Variants in TOMM70 observed in about 807,000 individuals in gnomAD.
TOMM70 encodes the protein mitochondrial import receptor subunit TOM70.
A neutral mutation model predicts 73.6 loss-of-function variants in TOMM70; 13 were observed. That is an observed-to-expected ratio of 0.18 (90% CI 0.11 to 0.28). The LOEUF is 0.28. TOMM70 is among the 10% of genes least tolerant of loss of function. The pLI is 1.00. For missense variants in TOMM70, 609 were observed against 747.5 expected, an observed-to-expected ratio of 0.81 and a Z score of 2.16; for synonymous variants, 257 against 271.2, an observed-to-expected ratio of 0.95 and a Z score of 0.51.
At chr3:100,388,997 T>G (rs762440601) in intron 1 of TOMM70, among the ~76,000 whole-genome samples, 9 of 151,772 alleles carry the variant, frequency 5.9e-5, no homozygotes, top group Non-Finnish European at 1.3e-4. Flanking sequence ...GTTCCATCAT[T>G]TGCCTATGTG....
chr3:100,369,970 G>A (rs1706490502), intron 9 of TOMM70, among the ~76,000 whole-genome samples: 1 of 151,996 alleles, frequency 6.6e-6, no homozygotes, highest in Non-Finnish European at 1.5e-5. Flanking sequence ...ATAATACCTA[G>A]CCCATATTCA....
rs1487389311 is a variant in TOMM70 at position 100,365,623 on chromosome 3, C to T, written c.1768G>A (p.Ala590Thr). The T allele has an allele frequency of 6.2e-7, 1 of 1,614,192 alleles. No individual in the cohort carries two copies. The highest frequency in any genetic ancestry group is 1.7e-5 in the Admixed American group (1 of 60,026). The change falls in exon 12 of 12, where the codon GCC (alanine) becomes ACC (threonine). Residue 590 changes from alanine (A) to threonine (T), a missense_variant. Physicochemically the swap from Ala to Thr is moderately conservative, Grantham distance 58. Transcript: ENST00000284320. ...GCAACTTCTGTCTGGGCATGGGCGGCATCGCAAAGTGAATACAGATGGGCC... is the reference window on the plus strand; with the variant it reads ...GCAACTTCTGTCTGGGCATGGGCGGTATCGCAAAGTGAATACAGATGGGCC... Reference protein sequence around the residue: ...EMAHLYSLCDAAHAQTEVAKK... With the variant: ...EMAHLYSLCDTAHAQTEVAKK...
At chr3:100,371,311 C>CTGGA (rs981827169) in intron 9 of TOMM70, among the ~76,000 whole-genome samples, 1 of 130,420 alleles carries the variant, frequency 7.7e-6, no homozygotes, top group Non-Finnish European at 1.5e-5. Context: ...CTTGCCCAGG[C>CTGGA]TGGAGTGTGG....
intron 1 of TOMM70, among the ~76,000 whole-genome samples, chr3:100,388,496 T>C (rs1032890980): frequency 2.0e-5 from 3 of 152,196 alleles, no homozygotes; most frequent in Admixed American, 2.0e-4. Context: ...CAGAACTGCT[T>C]GAGCCCAGGA....
At chr3:100,391,507 A>C (rs2148894082) in intron 1 of TOMM70, among the ~76,000 whole-genome samples, 1 of 150,742 alleles carries the variant, frequency 6.6e-6, no homozygotes, top group African/African-American at 2.4e-5. Context: ...TAAAAGTTTA[A>C]AAAAAAAAAT....
chr3:100,373,335 G>A (rs577015213), intron 8 of TOMM70, among the ~76,000 whole-genome samples: 46 of 152,072 alleles, frequency 3.0e-4, no homozygotes, highest in African/African-American at 9.2e-4. Flanking sequence ...ATAAAATCAG[G>A]GACAAACATC....
At chr3:100,398,926 C>T (rs576001637) in intron 1 of TOMM70, among the ~76,000 whole-genome samples, 10 of 152,308 alleles carry the variant, frequency 6.6e-5, no homozygotes, top group Admixed American at 2.6e-4. Context: ...TCACACACTG[C>T]AGATACTAGT....
chr3:100,399,044 G>C lies in TOMM70; in HGVS notation c.324+1582C>G, dbSNP rs548179581. On this transcript the variant is annotated intron_variant, in intron 1 of 11. Transcript: ENST00000284320. Reference sequence around the variant, plus strand: ...CGCCTGTAATCCCAGCACTTTGGGAGGCCAAGATGGGCAGATCACCTGAGG... The same window carrying C: ...CGCCTGTAATCCCAGCACTTTGGGACGCCAAGATGGGCAGATCACCTGAGG... 2.6e-5 allele frequency among the ~76,000 whole-genome samples: 4 copies of C among 152,316 alleles called. No homozygotes were observed. The South Asian group carries it at 8.3e-4, about 32-fold the overall frequency.
rs528986954 is a variant in TOMM70, at chr3:100,370,097, C to T, written c.1453-962G>A. Among the ~76,000 whole-genome samples, 8 of 151,922 alleles carry T rather than the reference C, an allele frequency of 5.3e-5. No individual in the cohort carries two copies. In the East Asian group the frequency reaches 9.7e-4, roughly 18 times the overall value. ...AAGCCAACTTAAATATTTTAAAAAT[C>T]GCTCTTAAAAATATCAAAGAAATGT... On this transcript the variant is annotated intron_variant, in intron 9 of 11. Coordinates refer to ENST00000284320, the MANE Select transcript of TOMM70 (RefSeq NM_014820.5).
In TOMM70 at chr3:100,386,951, T is replaced by C; in HGVS notation, c.352A>G (p.Lys118Glu). ...TTAAAATATTTATTGCCTTTATTCTTGGCTGCTTGGGCTCTATCAAGAGAG... is the reference window on the plus strand; with the variant it reads ...TTAAAATATTTATTGCCTTTATTCTCGGCTGCTTGGGCTCTATCAAGAGAG... ...MNSLDRAQAA[K>E]NKGNKYFKAG... The change falls in exon 2 of 12, where the codon AAG (lysine) becomes GAG (glutamate). Residue 118 changes from lysine to glutamate, a missense_variant. Around this residue, in one of 2 missense-constraint regions of TOMM70, gnomAD observed 432 missense variants for 584.1 expected, o/e 0.74. Coordinates refer to ENST00000284320, the MANE Select transcript of TOMM70 (RefSeq NM_014820.5). 6.2e-7 allele frequency: 1 copy of C among 1,614,054 alleles called. No individual in the cohort carries two copies. The highest frequency in any genetic ancestry group is 8.5e-7 in the Non-Finnish European group (1 of 1,179,992).
chr3:100,385,310 C>A (rs975414846), intron 3 of TOMM70, among the ~76,000 whole-genome samples: 3 of 152,212 alleles, frequency 2.0e-5, no homozygotes, highest in Non-Finnish European at 4.4e-5. Flanking sequence ...TTAGTAACTT[C>A]AAGGTCTGGT....
intron 11 of TOMM70, among the ~76,000 whole-genome samples, chr3:100,367,585 GT>G: frequency 6.6e-6 from 1 of 152,140 alleles, no homozygotes. Context: ...AACATCTAAA[GT>G]TTAATACTTG....
At chr3:100,374,620 T>C (rs540829424) in intron 7 of TOMM70, among the ~76,000 whole-genome samples, 82 of 152,344 alleles carry the variant, frequency 5.4e-4, no homozygotes, top group African/African-American at 1.7e-3. Context: ...ATATTTATTT[T>C]TACTATTTGG....
In TOMM70 at chr3:100,365,380, C is replaced by T; in HGVS notation, c.*184G>A. The T allele has an allele frequency of 2.7e-6, 2 of 754,392 alleles. No individual in the cohort carries two copies. Among genetic ancestry groups the T allele is most frequent in the Non-Finnish European group, 2.0e-6 (1 of 496,572 alleles). 46.7% of individuals were successfully genotyped at this position (754,392 alleles called of 1,614,324 possible). A position where few individuals can be genotyped will look rare whatever the true frequency, so the allele number is the denominator to read the frequency against. ...TGCACAGGGAATAAAAGCTGCAAGA[C>T]TGCAAACTTCCTTCAACAGCCACAC... On this transcript the variant is annotated 3_prime_UTR_variant, in exon 12 of 12. Transcript: ENST00000284320.
intron 1 of TOMM70, among the ~76,000 whole-genome samples, chr3:100,399,271 T>A (rs1401270253): frequency 7.0e-6 from 1 of 143,530 alleles, no homozygotes. Flanking sequence ...AAAGTGAGAC[T>A]CCATCTCAAA....
chr3:100,381,170 C>T (rs112809637), intron 5 of TOMM70, among the ~76,000 whole-genome samples: 1 of 152,236 alleles, frequency 6.6e-6, no homozygotes, highest in African/African-American at 2.4e-5. Context: ...TGGGCATCTT[C>T]CTAGACAAGC....
At chr3:100,396,128 G>A (rs1356252157) in intron 1 of TOMM70, among the ~76,000 whole-genome samples, 1 of 151,558 alleles carries the variant, frequency 6.6e-6, no homozygotes, top group Non-Finnish European at 1.5e-5. Flanking sequence ...ATTGAAAAGT[G>A]TTAACTAAGC....
chr3:100,370,386 C>T (rs948884496), intron 9 of TOMM70, among the ~76,000 whole-genome samples: 1 of 152,058 alleles, frequency 6.6e-6, no homozygotes, highest in African/African-American at 2.4e-5. Context: ...AGTGAGTGTA[C>T]CACAATTCTG....
At chr3:100,393,195 A>G (rs529033853) in intron 1 of TOMM70, among the ~76,000 whole-genome samples, 1 of 151,698 alleles carries the variant, frequency 6.6e-6, no homozygotes, top group East Asian at 1.9e-4. Flanking sequence ...AAAAAAAAAG[A>G]TAGGGAACCA....
Sources: allele counts gnomAD v4.1 joint callset (sites outside exome capture counted in the v4.1 genomes callset), GRCh38; gene constraint gnomAD v4.1.1; regional missense constraint gnomAD v4.1.1; transcripts MANE v1.5; gene names NCBI Gene and HGNC (gene_info 2026-07-23, HGNC 2026-07-21).